PXDNL: variants seen among roughly 807,000 people sequenced by gnomAD.
PXDNL encodes probable oxidoreductase PXDNL.
In PXDNL, 145 loss-of-function variants were observed where a neutral mutation model predicts 150.8. The ratio of observed to expected loss-of-function variants is 0.96; its 90% CI spans 0.84 to 1.10. The LOEUF (loss-of-function observed/expected upper bound fraction) is 1.10, where lower values mean the gene tolerates loss of function less well. Ranked by LOEUF, PXDNL falls within the 50% of genes least tolerant of loss-of-function variation. The probability of loss-of-function intolerance (pLI) is 0.00; values close to 1 mark genes in which losing one functional copy is unlikely to be tolerated. For synonymous variants in PXDNL, 757 were observed against 725.7 expected, an observed-to-expected ratio of 1.04 and a Z score of -0.69; for missense variants, 2,087 against 1,873.9, an observed-to-expected ratio of 1.11 and a Z score of -2.10.
chr8:51,420,846 G>A (rs74825912), intron 14 of PXDNL, among the ~76,000 whole-genome samples: 28,348 of 151,988 alleles, frequency 0.19, 2,947 homozygotes, highest in East Asian at 0.32. Context: ...GCGCCACCAT[G>A]TCTAGTTAAT....
At chr8:51,624,662 ATATATAT>A (rs898964652) in intron 2 of PXDNL, among the ~76,000 whole-genome samples, 9 of 148,308 alleles carry the variant, frequency 6.1e-5, no homozygotes, top group Non-Finnish European at 8.9e-5. Flanking sequence ...TTCTGATGAT[ATATATAT>A]TATATATTAT....
chr8:51,781,079 T>C (rs1428948922), intron 1 of PXDNL, among the ~76,000 whole-genome samples: 1 of 152,032 alleles, frequency 6.6e-6, no homozygotes, highest in African/African-American at 2.4e-5. Context: ...TACTAACACA[T>C]TGGGGTTAGG....
intron 1 of PXDNL, among the ~76,000 whole-genome samples, chr8:51,663,378 A>G (rs527629882): frequency 3.4e-4 from 52 of 152,224 alleles, no homozygotes; most frequent in South Asian, 6.2e-4. Flanking sequence ...ATCCTAAACC[A>G]AGTTCCCACT....
intron 21 of PXDNL, among the ~76,000 whole-genome samples, chr8:51,333,737 C>G (rs540735334): frequency 6.6e-6 from 1 of 152,250 alleles, no homozygotes; most frequent in Admixed American, 6.5e-5. Flanking sequence ...CATTATATAA[C>G]AGTAAAAGGC....
At chr8:51,491,610 G>GGCCT (rs1810897549) in intron 5 of PXDNL, among the ~76,000 whole-genome samples, 1 of 152,080 alleles carries the variant, frequency 6.6e-6, no homozygotes, top group Non-Finnish European at 1.5e-5. Context: ...CACTGCCATG[G>GGCCT]GCCTGCCTGC....
chr8:51,557,781 G>C (rs1328883441), intron 3 of PXDNL, among the ~76,000 whole-genome samples: 1 of 152,142 alleles, frequency 6.6e-6, no homozygotes, highest in East Asian at 1.9e-4. Context: ...CTCATCTGCA[G>C]TCCTGCCTTA....
Position 51,453,631 on chromosome 8 carries a change from C to T in PXDNL, c.1137G>A (p.Thr379=), listed in dbSNP as rs750491813. The T allele has an allele frequency of 1.8e-5, 29 of 1,613,882 alleles. No homozygotes were observed. Among genetic ancestry groups the T allele is most frequent in the African/African-American group, 1.2e-4 (9 of 74,926 alleles). Residue 379 remains threonine (T), a synonymous_variant, in exon 10 of 23, where the codon ACG becomes ACA. Coordinates refer to ENST00000356297, the MANE Select transcript of PXDNL (RefSeq NM_144651.5). ...TGTTCTGTAAGTAAAGTCCACTGGA[C>T]GTTGCCACGTGCCTGGATCCATCCA... The part of the protein sequence containing the change: ...LELDGSRHVA[T]SSGLYLQNIT...
intron 4 of PXDNL, among the ~76,000 whole-genome samples, chr8:51,529,718 C>T (rs1164625821): frequency 6.6e-6 from 1 of 152,180 alleles, no homozygotes; most frequent in African/African-American, 2.4e-5. Flanking sequence ...AGCCAGCTAC[C>T]TGCCCCTAAA....
At chr8:51,414,213 A>G (rs1465892390) in intron 14 of PXDNL, among the ~76,000 whole-genome samples, 1 of 151,832 alleles carries the variant, frequency 6.6e-6, no homozygotes, top group Non-Finnish European at 1.5e-5. Flanking sequence ...ATAGATATAT[A>G]CATATTATAT....
chr8:51,660,279 T>C (rs1051221782), intron 1 of PXDNL, among the ~76,000 whole-genome samples: 2 of 152,174 alleles, frequency 1.3e-5, no homozygotes, highest in African/African-American at 4.8e-5. Context: ...TGAAATACTA[T>C]GTGTAGCTGA....
intron 4 of PXDNL, among the ~76,000 whole-genome samples, chr8:51,519,026 G>A (rs1246447867): frequency 2.6e-5 from 4 of 152,182 alleles, no homozygotes; most frequent in Non-Finnish European, 5.9e-5. Context: ...TGGAAACTTT[G>A]GGATAGGAAA....
At chr8:51,706,357 A>C (rs570963379) in intron 1 of PXDNL, among the ~76,000 whole-genome samples, 1 of 152,276 alleles carries the variant, frequency 6.6e-6, no homozygotes, top group East Asian at 1.9e-4. Flanking sequence ...CTTTACCTCC[A>C]ATACTTCACA....
In PXDNL at chr8:51,785,718, C is replaced by T. The variant is rs1585749116; in HGVS notation, c.164+23463G>A. 2.6e-5 allele frequency among the ~76,000 whole-genome samples: 4 copies of T among 152,258 alleles called. No homozygotes were observed. In the South Asian group the frequency reaches 8.3e-4, roughly 32 times the overall value. The stretch of plus-strand genomic sequence containing the variant: ...GTTCTGACTGCTCCAACCAGCTGTT[C>T]CCCCCATCTCTCTCCCTCTCCTTGG... On this transcript the variant is annotated intron_variant, in intron 1 of 22. Transcript: ENST00000356297.
chr8:51,320,408 G>C (rs1470259457), intron 22 of PXDNL, among the ~76,000 whole-genome samples: 2 of 152,240 alleles, frequency 1.3e-5, no homozygotes, highest in East Asian at 1.9e-4. Flanking sequence ...TTTTTCCATA[G>C]AATTGTGTAG....
At chr8:51,794,047 C>A (rs910904059) in intron 1 of PXDNL, among the ~76,000 whole-genome samples, 1 of 151,682 alleles carries the variant, frequency 6.6e-6, no homozygotes, top group Non-Finnish European at 1.5e-5. Flanking sequence ...ACCGAATAGA[C>A]CAAGCAGAAG....
chr8:51,767,434 G>A (rs2037243930), intron 1 of PXDNL, among the ~76,000 whole-genome samples: 1 of 152,022 alleles, frequency 6.6e-6, no homozygotes, highest in South Asian at 2.1e-4. Context: ...GTCATGCGAG[G>A]CCACTGAAGT....
At chr8:51,799,148 T>C (rs569033039) in intron 1 of PXDNL, among the ~76,000 whole-genome samples, 16 of 152,196 alleles carry the variant, frequency 1.1e-4, no homozygotes, top group African/African-American at 3.9e-4. Flanking sequence ...CAGAACACCA[T>C]ACACCACTTT....
chr8:51,498,633 T>C (rs1811111275), intron 5 of PXDNL, among the ~76,000 whole-genome samples: 1 of 152,102 alleles, frequency 6.6e-6, no homozygotes, highest in South Asian at 2.1e-4. Context: ...TAGAGTACAA[T>C]GCCTTGCCTG....
intron 4 of PXDNL, among the ~76,000 whole-genome samples, chr8:51,553,512 C>A (rs1563461845): frequency 6.6e-6 from 1 of 152,036 alleles, no homozygotes; most frequent in African/African-American, 2.4e-5. Context: ...ATAAAATATG[C>A]TTTTTAAAGA....
Sources: allele counts gnomAD v4.1 joint callset (sites outside exome capture counted in the v4.1 genomes callset), GRCh38; gene constraint gnomAD v4.1.1; transcripts MANE v1.5; gene names NCBI Gene and HGNC (gene_info 2026-07-23, HGNC 2026-07-21).